RRM2B: variants seen among roughly 807,000 people sequenced by gnomAD.
RRM2B encodes ribonucleotide reductase regulatory TP53 inducible subunit M2B.
RRM2B carries 20 observed loss-of-function variants against 45.9 expected under a neutral mutation model. The ratio of observed to expected loss-of-function variants is 0.44; its 90% confidence interval spans 0.31 to 0.63. The LOEUF (loss-of-function observed/expected upper bound fraction) is 0.63. Ranked by LOEUF, RRM2B falls within the 30% of genes least tolerant of loss-of-function variation. The pLI is 0.09. For missense variants in RRM2B, 320 were observed against 414.7 expected (o/e 0.77, Z 1.98); for synonymous variants, 124 against 132.3 (o/e 0.94, Z 0.43).
intron 2 of RRM2B, among the ~76,000 whole-genome samples, chr8:102,229,311 C>A (rs1810989168): frequency 6.6e-6 from 1 of 152,058 alleles, no homozygotes; most frequent in South Asian, 2.1e-4. Flanking sequence ...AAGCCTCAAT[C>A]TCTTTGACCT....
At chr8:102,212,310 T>A (rs1267146482) in intron 8 of RRM2B, among the ~76,000 whole-genome samples, 1 of 152,180 alleles carries the variant, frequency 6.6e-6, no homozygotes, top group Non-Finnish European at 1.5e-5. Flanking sequence ...ACCGCACTGA[T>A]GAAATTCAGG....
intron 8 of RRM2B, 106 bp from the exon 9 acceptor site, chr8:102,208,391 A>G (rs1810579717): frequency 1.2e-6 from 1 of 824,228 alleles, no homozygotes; most frequent in Admixed American, 2.1e-5. Flanking sequence ...AAACCTATCT[A>G]GTCAGCTACA....
At chr8:102,225,467 C>T (rs1331678941) in intron 3 of RRM2B, among the ~76,000 whole-genome samples, 1 of 151,932 alleles carries the variant, frequency 6.6e-6, no homozygotes, top group African/African-American at 2.4e-5. Context: ...CTCTTGACCT[C>T]GTGATCCGCC....
chr8:102,224,672 TGAACA>T (rs1282613622), intron 4 of RRM2B, among the ~76,000 whole-genome samples: 11 of 152,358 alleles, frequency 7.2e-5, no homozygotes, highest in African/African-American at 2.6e-4. Context: ...AAGATGCTAC[TGAACA>T]GTTCTTAAAG....
chr8:102,238,890 G>A lies in RRM2B; in HGVS notation c.-16C>T. 6.2e-7 allele frequency: 1 copy of A among 1,609,648 alleles called. No individual in the cohort carries two copies. On this transcript the variant is annotated 5_prime_UTR_variant, in exon 1 of 9. Coordinates refer to ENST00000251810, the MANE Select transcript of RRM2B (RefSeq NM_015713.5). Reference sequence around the variant, plus strand: ...GGTCGCCCATCGCGCAGACTCCGCCGAAGCTACGGGCGCTGAGGGAACTGA... The same window carrying A: ...GGTCGCCCATCGCGCAGACTCCGCCAAAGCTACGGGCGCTGAGGGAACTGA...
chr8:102,210,683 G>A (rs1486902091), intron 8 of RRM2B, among the ~76,000 whole-genome samples: 3 of 152,116 alleles, frequency 2.0e-5, no homozygotes, highest in Non-Finnish European at 4.4e-5. Flanking sequence ...GGCTGGTCTT[G>A]AACTCCTGAC....
At position 102,238,731 on chromosome 8, in the gene RRM2B, C is replaced by G. The variant is rs200373694; in HGVS notation, c.48+96G>C. ...GGCGGGCGGACAGGCCTGTCCTGACCGCGGCGAATAACATTTCCTACAGCG... is the reference window on the plus strand; with the variant it reads ...GGCGGGCGGACAGGCCTGTCCTGACGGCGGCGAATAACATTTCCTACAGCG... On this transcript the variant is annotated intron_variant, in intron 1 of 8. Transcript: ENST00000251810. 2,575 of 1,597,314 alleles carry G rather than the reference C, an allele frequency of 1.6e-3. 2 individuals are homozygous for G. The highest frequency in any genetic ancestry group is 2.0e-3 in the Non-Finnish European group (2,319 of 1,173,538).
chr8:102,235,616 G>A lies in RRM2B; in HGVS notation c.48+3211C>T, dbSNP rs374445447. Among the ~76,000 whole-genome samples the A allele has an allele frequency of 2.0e-3, 307 of 152,258 alleles. 13 individuals are homozygous for A. In the South Asian group the frequency reaches 0.06, roughly 30 times the overall value. On this transcript the variant is annotated intron_variant, in intron 1 of 8. Coordinates refer to ENST00000251810, the MANE Select transcript of RRM2B (RefSeq NM_015713.5). ...AGCACTTTCGGAGGCCGAGGCGGGCGGATCACAAGGTCAAGAGATTGAGAC... is the reference window on the plus strand; with the variant it reads ...AGCACTTTCGGAGGCCGAGGCGGGCAGATCACAAGGTCAAGAGATTGAGAC...
chr8:102,229,208 G>A (rs1350114389), intron 2 of RRM2B, among the ~76,000 whole-genome samples: 5 of 152,030 alleles, frequency 3.3e-5, no homozygotes, highest in Non-Finnish European at 7.4e-5. Context: ...AGCCAAGATC[G>A]TGCCATTGCA....
chr8:102,235,841 CA>C (rs111812335), intron 1 of RRM2B, among the ~76,000 whole-genome samples: 17 of 145,494 alleles, frequency 1.2e-4, no homozygotes, highest in Admixed American at 4.1e-4. Context: ...GACTCCGTCT[CA>C]AAAAAAAAAG....
intron 6 of RRM2B, 63 bp from the exon 7 acceptor site, chr8:102,214,221 G>A: frequency 1.8e-6 from 2 of 1,104,196 alleles, no homozygotes; most frequent in South Asian, 1.3e-5. Context: ...ATATGGTGAT[G>A]GGTCAAGCAT....
intron 6 of RRM2B, among the ~76,000 whole-genome samples, chr8:102,218,341 G>A (rs1810767962): frequency 6.6e-6 from 1 of 152,170 alleles, no homozygotes; most frequent in African/African-American, 2.4e-5. Context: ...GGAGGAAAAT[G>A]CAGTGTCTTA....
In RRM2B at chr8:102,238,902, G is replaced by A. The variant is rs1811181738; in HGVS notation, c.-28C>T. 1 of 1,607,132 alleles carries A rather than the reference G, an allele frequency of 6.2e-7. No homozygotes were observed. The highest frequency in any genetic ancestry group is 8.5e-7 in the Non-Finnish European group (1 of 1,179,510). ...CGCAGACTCCGCCGAAGCTACGGGC[G>A]CTGAGGGAACTGAGCTCCTCAGGCC... On this transcript the variant is annotated 5_prime_UTR_variant, in exon 1 of 9. Coordinates refer to ENST00000251810, the MANE Select transcript of RRM2B (RefSeq NM_015713.5).
At chr8:102,226,486 A>G (rs1383939402) in intron 2 of RRM2B, among the ~76,000 whole-genome samples, 1 of 152,094 alleles carries the variant, frequency 6.6e-6, no homozygotes, top group Non-Finnish European at 1.5e-5. Flanking sequence ...GTGGCACTGA[A>G]GCAAATGAAA....
intron 1 of RRM2B, among the ~76,000 whole-genome samples, chr8:102,237,283 T>C (rs116145590): frequency 5.0e-4 from 76 of 152,336 alleles, no homozygotes; most frequent in African/African-American, 1.8e-3. Context: ...ACATACAAAA[T>C]CTACATATCA....
At chr8:102,233,495 A>G (rs1752782615) in intron 1 of RRM2B, among the ~76,000 whole-genome samples, 1 of 152,184 alleles carries the variant, frequency 6.6e-6, no homozygotes, top group South Asian at 2.1e-4. Flanking sequence ...AGCTAAGTAA[A>G]TGGGCTGCTA....
chr8:102,210,762 CTTA>C (rs934379713), intron 8 of RRM2B, among the ~76,000 whole-genome samples: 1 of 151,990 alleles, frequency 6.6e-6, no homozygotes, highest in Non-Finnish European at 1.5e-5. Context: ...TGTGCCCAGC[CTTA>C]TTATTATTTT....
At chr8:102,212,995 AGG>A (rs1267077153) in intron 7 of RRM2B, 106 bp from the exon 8 acceptor site, 1 of 710,976 alleles carries the variant, frequency 1.4e-6, no homozygotes, top group Non-Finnish European at 2.6e-6. Context: ...ATTTTGTCCA[AGG>A]AAAGTATATT....
rs754846807 is a variant in RRM2B at position 102,232,320 on chromosome 8, T to G, written c.49-16A>C. ...AAGATGATCTCTTTGAAAAATAAAG[T>G]ACAAACACGCCTTTTATATAGACAT... is the stretch of plus-strand genomic sequence containing the variant. On this transcript the variant is annotated splice_polypyrimidine_tract_variant and intron_variant, in intron 1 of 8. Transcript: ENST00000251810. 4.3e-6 allele frequency: 7 copies of G among 1,612,190 alleles called. No homozygotes were observed. The Admixed American group carries it at 1.2e-4, about 27-fold the overall frequency.
Sources: gnomAD v4.1 joint callset for allele counts (sites outside exome capture counted in the v4.1 genomes callset) on GRCh38, gnomAD v4.1.1 for gene constraint, MANE v1.5 for transcripts, NCBI Gene and HGNC (gene_info 2026-07-23, HGNC 2026-07-21) for gene names.